ITPR1: variants seen among roughly 807,000 people sequenced by gnomAD.
The protein encoded by ITPR1 is inositol 1,4,5-trisphosphate receptor type 1.
ITPR1 carries 96 observed loss-of-function variants against 318.4 expected under a neutral mutation model. The observed-to-expected ratio is 0.30, with a 90% CI of 0.26 to 0.36. ITPR1 has a LOEUF of 0.36. Among genes scored for constraint, ITPR1 ranks in the 10% least tolerant of loss-of-function variants. The pLI, the probability that ITPR1 is intolerant of heterozygous loss-of-function variation, is 1.00. For missense variants in ITPR1, 2,440 were observed against 3,460.2 expected (o/e 0.71, Z 7.40); for synonymous variants, 1,312 against 1,289.9 (o/e 1.02, Z -0.37).
rs2094127637 is a variant in ITPR1, at chr3:4,673,530, A to AT, written c.2456+150dup. The AT allele has an allele frequency of 7.8e-6, 7 of 899,086 alleles. No homozygotes were observed. In the East Asian group the frequency reaches 1.1e-4, roughly 14 times the overall value. 55.7% of individuals were successfully genotyped at this position (899,086 alleles called of 1,614,324 possible). On this transcript the variant is annotated intron_variant, in intron 21 of 61. Transcript: ENST00000649015. Reference sequence around the variant, plus strand: ...AAATAAAATTAAGTGGATGGCAAATATTTTTTTCCTCAAGAATGTGAAAGA... The same window carrying AT: ...AAATAAAATTAAGTGGATGGCAAATATTTTTTTTCCTCAAGAATGTGAAAGA...
chr3:4,688,151 T>G (rs2094426085), intron 30 of ITPR1, among the ~76,000 whole-genome samples: 1 of 151,756 alleles, frequency 6.6e-6, no homozygotes, highest in African/African-American at 2.4e-5. Flanking sequence ...CCCAAAGGGG[T>G]GGGATTACAG....
intron 20 of ITPR1, among the ~76,000 whole-genome samples, chr3:4,672,800 C>A (rs953602120): frequency 4.6e-5 from 7 of 152,108 alleles, no homozygotes; most frequent in Non-Finnish European, 1.0e-4. Context: ...AATAGACAAC[C>A]ATCTTAGGCC....
At chr3:4,620,976 C>G (rs2092607717) in intron 4 of ITPR1, among the ~76,000 whole-genome samples, 1 of 151,832 alleles carries the variant, frequency 6.6e-6, no homozygotes, top group African/African-American at 2.4e-5. Flanking sequence ...TTTCAACTTA[C>G]TAGTTGATGG....
At chr3:4,547,530 A>G (rs1374827509) in intron 4 of ITPR1, among the ~76,000 whole-genome samples, 1 of 152,212 alleles carries the variant, frequency 6.6e-6, no homozygotes, top group Non-Finnish European at 1.5e-5. Context: ...ATAGGGCGGT[A>G]GGGTGGCACG....
At chr3:4,512,293 T>G (rs769779882) in intron 2 of ITPR1, among the ~76,000 whole-genome samples, 1 of 152,204 alleles carries the variant, frequency 6.6e-6, no homozygotes, top group Non-Finnish European at 1.5e-5. Flanking sequence ...ACAAGGCTGT[T>G]TGAACAAAGA....
At chr3:4,583,323 G>A (rs1224936787) in intron 4 of ITPR1, among the ~76,000 whole-genome samples, 1 of 152,044 alleles carries the variant, frequency 6.6e-6, no homozygotes, top group African/African-American at 2.4e-5. Context: ...GGAAAAAAAA[G>A]TTAGCGTTTT....
chr3:4,622,107 G>A (rs1434116490), intron 4 of ITPR1, among the ~76,000 whole-genome samples: 11 of 141,410 alleles, frequency 7.8e-5, no homozygotes, highest in African/African-American at 2.9e-4. Context: ...GCACATAGTA[G>A]ACTTTTTTTT....
intron 39 of ITPR1, among the ~76,000 whole-genome samples, chr3:4,715,830 G>C (rs1329044441): frequency 1.3e-5 from 2 of 152,186 alleles, no homozygotes; most frequent in South Asian, 2.1e-4. Context: ...TCCAGCCTGG[G>C]TGACAGAGCA....
chr3:4,749,136 C>G (rs909314035), intron 44 of ITPR1: 4 of 152,158 alleles, frequency 2.6e-5, no homozygotes, highest in African/African-American at 4.8e-5. Context: ...ATTAGGTAAC[C>G]TTGAATACTA....
intron 11 of ITPR1, 129 bp downstream of exon 11, chr3:4,652,347 G>A: frequency 1.5e-6 from 1 of 673,534 alleles, no homozygotes; most frequent in Admixed American, 3.0e-5. Flanking sequence ...TTTTCCTCCT[G>A]TTTTTCTGTT....
intron 40 of ITPR1, among the ~76,000 whole-genome samples, chr3:4,725,068 G>T (rs1209669238): frequency 6.6e-6 from 1 of 152,112 alleles, no homozygotes; most frequent in Non-Finnish European, 1.5e-5. Flanking sequence ...GGAGAGACAT[G>T]GGAGAAAGCC....
At chr3:4,827,752 T>TGAGTC (rs2050172964) in intron 60 of ITPR1, among the ~76,000 whole-genome samples, 1 of 152,190 alleles carries the variant, frequency 6.6e-6, no homozygotes, top group Admixed American at 6.5e-5. Context: ...CCTTAGGGTC[T>TGAGTC]GAGTCAGGGA....
In ITPR1 at chr3:4,533,570, A is replaced by G. The variant is rs564364193; in HGVS notation, c.163+12476A>G. Among the ~76,000 whole-genome samples the G allele has an allele frequency of 2.0e-5, 3 of 152,356 alleles. No individual in the cohort carries two copies. The South Asian group carries it at 6.2e-4, about 32-fold the overall frequency. Reference sequence around the variant, plus strand: ...TATTGTGACTGAATTTGCAATTAGCAGCTTTCGGGACATCTCTTAGGAAGC... The same window carrying G: ...TATTGTGACTGAATTTGCAATTAGCGGCTTTCGGGACATCTCTTAGGAAGC... On this transcript the variant is annotated intron_variant, in intron 4 of 61. Coordinates refer to ENST00000649015, the MANE Select transcript of ITPR1 (RefSeq NM_001378452.1).
At chr3:4,585,068 A>C (rs1196285653) in intron 4 of ITPR1, among the ~76,000 whole-genome samples, 1 of 151,948 alleles carries the variant, frequency 6.6e-6, no homozygotes, top group Non-Finnish European at 1.5e-5. Context: ...GAGGGTCCTA[A>C]CTGTGTGCGG....
Position 4,787,404 on chromosome 3 carries a change from T to A in ITPR1, c.6616-543T>A, listed in dbSNP as rs529971324. ...CATTGTCTTGGATTATATAAAAAAA[T>A]TAAAATTAGGTCAGGCACAGTGGCT... On this transcript the variant is annotated intron_variant, in intron 51 of 61. Transcript: ENST00000649015. Among the ~76,000 whole-genome samples, 32 of 128,790 alleles carry A rather than the reference T, an allele frequency of 2.5e-4. No individual in the cohort carries two copies. In the South Asian group the frequency reaches 6.6e-3, roughly 27 times the overall value. The allele number at this position is 128,790 out of a possible 152,430, so 84.5% of individuals were successfully genotyped here.
intron 4 of ITPR1, among the ~76,000 whole-genome samples, chr3:4,543,917 G>A (rs1270059109): frequency 1.3e-5 from 2 of 152,192 alleles, no homozygotes; most frequent in Non-Finnish European, 2.9e-5. Context: ...TAGTGTATGG[G>A]TGCCCCCATC....
At chr3:4,693,381 G>A in intron 32 of ITPR1, 109 bp from the exon 33 acceptor site, 2 of 1,201,658 alleles carry the variant, frequency 1.7e-6, no homozygotes, top group Admixed American at 4.0e-5. Flanking sequence ...AGACTGATTT[G>A]GGAAGATAAA....
At chr3:4,815,312 C>A in intron 59 of ITPR1, 94 bp downstream of exon 59, 1 of 1,159,934 alleles carries the variant, frequency 8.6e-7, no homozygotes, top group Non-Finnish European at 1.2e-6. Flanking sequence ...GGGGTGCCTG[C>A]CCAGTTATGC....
chr3:4,541,665 T>C (rs1475486973), intron 4 of ITPR1, among the ~76,000 whole-genome samples: 1 of 152,110 alleles, frequency 6.6e-6, no homozygotes, highest in Non-Finnish European at 1.5e-5. Context: ...CTCACTCTGT[T>C]GCCAGGCTGG....
Sources: allele counts gnomAD v4.1 joint callset (sites outside exome capture counted in the v4.1 genomes callset), GRCh38; gene constraint gnomAD v4.1.1; transcripts MANE v1.5; gene names NCBI Gene and HGNC (gene_info 2026-07-23, HGNC 2026-07-21).